Variants in B3GALT1 observed in about 807,000 individuals in gnomAD.
B3GALT1 encodes beta-1,3-galactosyltransferase 1.
Under a neutral mutation model 23.2 loss-of-function variants are expected in B3GALT1, and 10 were observed. That is an observed-to-expected ratio of 0.43 (90% CI 0.27 to 0.73). The LOEUF (loss-of-function observed/expected upper bound fraction) is 0.73, where lower values mean the gene tolerates loss of function less well. B3GALT1 is among the 30% of genes least tolerant of loss of function. The pLI is 0.21. For missense variants in B3GALT1, 299 were observed against 405.4 expected (o/e 0.74, Z 2.25); for synonymous variants, 156 against 141.5 (o/e 1.10, Z -0.73).
chr2:167,403,132 C>T (rs1205564442), intron 1 of B3GALT1, among the ~76,000 whole-genome samples: 1 of 151,880 alleles, frequency 6.6e-6, no homozygotes, highest in African/African-American at 2.4e-5. Context: ...ATCAACTCAT[C>T]ATTTACATTA....
intron 1 of B3GALT1, among the ~76,000 whole-genome samples, chr2:167,403,780 G>C (rs539661621): frequency 1.3e-5 from 2 of 152,142 alleles, no homozygotes; most frequent in Non-Finnish European, 2.9e-5. Flanking sequence ...GGTTGGTGAG[G>C]AATAGTTGAC....
intron 2 of B3GALT1, chr2:167,558,371 A>AT (rs1683893433): frequency 6.5e-6 from 1 of 152,864 alleles, no homozygotes; most frequent in Non-Finnish European, 1.5e-5. Flanking sequence ...AGCTCGCAGC[A>AT]TGAGCGACGC....
intron 2 of B3GALT1, among the ~76,000 whole-genome samples, chr2:167,580,021 C>T (rs963739143): frequency 1.3e-5 from 2 of 152,066 alleles, no homozygotes; most frequent in African/African-American, 4.8e-5. Flanking sequence ...TCCCAGATGC[C>T]AATCATTCTT....
chr2:167,709,555 TGAGTG>T (rs957498217), intron 3 of B3GALT1, among the ~76,000 whole-genome samples: 2 of 152,108 alleles, frequency 1.3e-5, no homozygotes, highest in African/African-American at 4.8e-5. Flanking sequence ...ATAGGAAATG[TGAGTG>T]GAGCAGAGTT....
chr2:167,804,262 T>G (rs1395436384), intron 3 of B3GALT1, among the ~76,000 whole-genome samples: 5 of 152,298 alleles, frequency 3.3e-5, no homozygotes, highest in African/African-American at 1.2e-4. Flanking sequence ...AGTGCTGGGA[T>G]TACAGGCATG....
chr2:167,447,787 A>G (rs186423110), intron 1 of B3GALT1, among the ~76,000 whole-genome samples: 1 of 152,206 alleles, frequency 6.6e-6, no homozygotes, highest in Admixed American at 6.5e-5. Context: ...AGGAAATGGA[A>G]TTCCCTGACC....
At chr2:167,757,328 G>T (rs1235664007) in intron 3 of B3GALT1, among the ~76,000 whole-genome samples, 1 of 152,038 alleles carries the variant, frequency 6.6e-6, no homozygotes, top group Non-Finnish European at 1.5e-5. Context: ...CATGATGGTG[G>T]GTGTCCAGGG....
In B3GALT1 at chr2:167,608,190, A is replaced by T. The variant is rs150778764; in HGVS notation, c.-409-38719A>T. Reference sequence around the variant, plus strand: ...TGGTACCTGAGACAAAAGAAAGACGAATTAACAACCTTGGCTTTTAATCCA... The same window carrying T: ...TGGTACCTGAGACAAAAGAAAGACGTATTAACAACCTTGGCTTTTAATCCA... On this transcript the variant is annotated intron_variant, in intron 2 of 4. Transcript: ENST00000392690. 2.9e-4 allele frequency among the ~76,000 whole-genome samples: 44 copies of T among 152,304 alleles called. 2 individuals carry two copies. The East Asian group carries it at 7.0e-3, about 24-fold the overall frequency.
intron 1 of B3GALT1, among the ~76,000 whole-genome samples, chr2:167,350,542 C>T (rs1180114351): frequency 6.6e-6 from 1 of 152,198 alleles, no homozygotes; most frequent in Non-Finnish European, 1.5e-5. Context: ...GCATTGCATG[C>T]AGATAACTTA....
At chr2:167,756,027 A>T (rs1687810357) in intron 3 of B3GALT1, among the ~76,000 whole-genome samples, 1 of 152,154 alleles carries the variant, frequency 6.6e-6, no homozygotes, top group Non-Finnish European at 1.5e-5. Flanking sequence ...ATGAATCTCT[A>T]ACTGTTGAAA....
At chr2:167,720,585 A>C (rs919821711) in intron 3 of B3GALT1, among the ~76,000 whole-genome samples, 1 of 152,214 alleles carries the variant, frequency 6.6e-6, no homozygotes, top group Non-Finnish European at 1.5e-5. Flanking sequence ...CATAGTCACC[A>C]AAGAAGAATC....
intron 3 of B3GALT1, among the ~76,000 whole-genome samples, chr2:167,730,555 C>T (rs1281129045): frequency 6.6e-6 from 1 of 152,144 alleles, no homozygotes; most frequent in Non-Finnish European, 1.5e-5. Context: ...ATTTGTTTGT[C>T]AAAAGCTACA....
chr2:167,399,026 G>C (rs1352623203), intron 1 of B3GALT1, among the ~76,000 whole-genome samples: 1 of 152,178 alleles, frequency 6.6e-6, no homozygotes, highest in African/African-American at 2.4e-5. Context: ...AGCAGTTCTA[G>C]ATATGGCAAA....
rs146369932 is a variant in B3GALT1 at position 167,647,537 on chromosome 2, A to AAGGATTGAGT, written c.-352+572_-352+573insGGATTGAGTA. ...TTTCCAGAGTATCCTTAACATTTGA[A>AAGGATTGAGT]ACCCTTAGAAAGAGTACTAGAGGTG... On this transcript the variant is annotated intron_variant, in intron 3 of 4. Transcript: ENST00000392690. Among the ~76,000 whole-genome samples, 307 of 152,316 alleles carry AAGGATTGAGT rather than the reference A, an allele frequency of 2.0e-3. 4 individuals carry two copies. The East Asian group carries it at 0.036, about 18-fold the overall frequency.
intron 1 of B3GALT1, among the ~76,000 whole-genome samples, chr2:167,442,801 A>G (rs1448192031): frequency 6.8e-6 from 1 of 146,514 alleles, no homozygotes; most frequent in Non-Finnish European, 1.5e-5. Flanking sequence ...GTAGGTTGCG[A>G]AAATTTTCTT....
intron 2 of B3GALT1, among the ~76,000 whole-genome samples, chr2:167,512,629 T>C (rs1700039380): frequency 9.8e-6 from 1 of 101,628 alleles, no homozygotes; most frequent in Non-Finnish European, 1.9e-5. Flanking sequence ...TACGTGTATA[T>C]ATATATACAT....
At chr2:167,434,141 C>T (rs1698743574) in intron 1 of B3GALT1, among the ~76,000 whole-genome samples, 1 of 152,142 alleles carries the variant, frequency 6.6e-6, no homozygotes, top group Non-Finnish European at 1.5e-5. Flanking sequence ...AAGACCAAGA[C>T]ATGGACATAG....
intron 3 of B3GALT1, among the ~76,000 whole-genome samples, chr2:167,817,151 C>G (rs1016179429): frequency 1.3e-5 from 2 of 152,192 alleles, no homozygotes; most frequent in Non-Finnish European, 2.9e-5. Context: ...CTGAGTAGAT[C>G]TAAGTTCAAA....
chr2:167,591,465 T>G (rs1025033775), intron 2 of B3GALT1, among the ~76,000 whole-genome samples: 5 of 151,788 alleles, frequency 3.3e-5, no homozygotes, highest in African/African-American at 9.7e-5. Context: ...CTTTAATTAA[T>G]TTATTTATTT....
Sources: allele counts gnomAD v4.1 joint callset (sites outside exome capture counted in the v4.1 genomes callset), GRCh38; gene constraint gnomAD v4.1.1; transcripts MANE v1.5; gene names NCBI Gene and HGNC (gene_info 2026-07-23, HGNC 2026-07-21).